The following ABCC11 variants were observed in gnomAD, a reference collection of about 807,000 sequenced individuals.
ABCC11 encodes ATP-binding cassette sub-family C member 11.
In ABCC11, 135 loss-of-function variants were observed where a neutral mutation model predicts 149.3. The observed-to-expected ratio is 0.90, with a 90% confidence interval of 0.79 to 1.04. The LOEUF (loss-of-function observed/expected upper bound fraction) is 1.04. Among genes scored for constraint, ABCC11 ranks in the 50% least tolerant of loss-of-function variants. The pLI is 0.00. For synonymous variants in ABCC11, 665 were observed against 671.4 expected (o/e 0.99, Z 0.15); for missense variants, 1,680 against 1,722.1 (o/e 0.98, Z 0.43).
chr16:48,197,481 T>C (rs1414643373), intron 17 of ABCC11, among the ~76,000 whole-genome samples: 1 of 152,224 alleles, frequency 6.6e-6, no homozygotes, highest in Non-Finnish European at 1.5e-5. Flanking sequence ...GCAGCAGAGC[T>C]GGGATTCAAA....
In ABCC11 at chr16:48,214,982, G is replaced by A; in HGVS notation, c.1147C>T (p.Gln383Ter). The change falls in exon 9 of 30, where the codon CAG (glutamine) becomes TAG (stop). Residue 383 changes from glutamine to a stop codon, truncating the protein, a stop_gained. Transcript: ENST00000356608. LOFTEE classifies it high-confidence loss of function. ...RKLLEKCGLV[Q>*]SLTSITLFII... ...AACAAGGTTATACTTGTCAGGCTCT[G>A]GACAAGCCCGCACTTCTCCAATAGT... The A allele has an allele frequency of 6.2e-7, 1 of 1,614,118 alleles. No individual in the cohort carries two copies. Among genetic ancestry groups the A allele is most frequent in the African/African-American group, 1.3e-5 (1 of 75,030 alleles).
chr16:48,169,107 C>T (rs1364821398), intron 28 of ABCC11, among the ~76,000 whole-genome samples: 1 of 152,138 alleles, frequency 6.6e-6, no homozygotes, highest in African/African-American at 2.4e-5. Flanking sequence ...ATCTGTCATC[C>T]AATTCCCAGT....
At chr16:48,210,568 G>A (rs1968832363) in intron 11 of ABCC11, 1 of 192,422 alleles carries the variant, frequency 5.2e-6, no homozygotes, top group Non-Finnish European at 1.1e-5. Context: ...GAAAGAACCA[G>A]ATAAGGTGAG....
intron 20 of ABCC11, 107 bp from the exon 21 acceptor site, chr16:48,187,534 G>T: frequency 1.1e-6 from 1 of 916,748 alleles, no homozygotes; most frequent in Non-Finnish European, 1.7e-6. Flanking sequence ...GGATCCCAGG[G>T]GTCTCCAGGG....
At chr16:48,206,986 G>T (rs1442250003) in intron 12 of ABCC11, among the ~76,000 whole-genome samples, 1 of 152,122 alleles carries the variant, frequency 6.6e-6, no homozygotes, top group African/African-American at 2.4e-5. Flanking sequence ...CAGTTGCAAA[G>T]AAACCGGGGA....
chr16:48,172,220 A>G (rs1016131868), intron 26 of ABCC11, among the ~76,000 whole-genome samples: 1 of 152,148 alleles, frequency 6.6e-6, no homozygotes, highest in African/African-American at 2.4e-5. Context: ...TTAGAGCTGC[A>G]TAATATTCCA....
At chr16:48,222,865 C>T in intron 5 of ABCC11, 34 bp from the exon 6 acceptor site, 1 of 1,544,108 alleles carries the variant, frequency 6.5e-7, no homozygotes, top group Non-Finnish European at 8.9e-7. Flanking sequence ...TCATTCAGAC[C>T]ACCCTGCCAG....
intron 27 of ABCC11, 113 bp downstream of exon 27, chr16:48,170,776 T>C (rs1214533042): frequency 1.0e-6 from 1 of 975,474 alleles, no homozygotes; most frequent in Non-Finnish European, 1.6e-6. Flanking sequence ...AGATGATGCA[T>C]CCATGACCCG....
intron 5 of ABCC11, chr16:48,223,765 A>G (rs1023370952): frequency 2.0e-5 from 3 of 152,630 alleles, no homozygotes; most frequent in African/African-American, 7.2e-5. Flanking sequence ...GATGGGAAAT[A>G]GAGCACATTC....
At chr16:48,244,242 T>C in intron 1 of ABCC11, 1 of 589,436 alleles carries the variant, frequency 1.7e-6, no homozygotes, top group East Asian at 3.3e-5. Context: ...CGCGAAGCCA[T>C]GGCTTTTGGG....
In ABCC11 at chr16:48,215,520, G is replaced by A. The variant is rs574557361; in HGVS notation, c.952-176C>T. Among the ~76,000 whole-genome samples the A allele has an allele frequency of 5.3e-5, 8 of 152,312 alleles. No homozygotes were observed. In the East Asian group the frequency reaches 1.2e-3, roughly 22 times the overall value. ...AGCATCCCAGGGGCCTTTCTTTCCT[G>A]AGTCCCAAGCCAGGCTATGGCTACT... On this transcript the variant is annotated intron_variant, in intron 7 of 29. Transcript: ENST00000356608.
Position 48,205,702 on chromosome 16 carries a change from C to G in ABCC11, c.1681-165G>C, listed in dbSNP as rs1332030046. On this transcript the variant is annotated intron_variant, in intron 12 of 29. Coordinates refer to ENST00000356608, the MANE Select transcript of ABCC11 (RefSeq NM_001370497.1). ...GCCCTACCAGGCCCACCAGCGAGTTCCAGGGACCGGCCATGAGAACATGTG... is the reference window on the plus strand; with the variant it reads ...GCCCTACCAGGCCCACCAGCGAGTTGCAGGGACCGGCCATGAGAACATGTG... 5.9e-5 allele frequency among the ~76,000 whole-genome samples: 9 copies of G among 152,192 alleles called. No individual in the cohort carries two copies. The South Asian group carries it at 1.4e-3, about 24-fold the overall frequency.
chr16:48,184,566 T>C lies in ABCC11; in HGVS notation c.3132A>G (p.Arg1044=). The change falls in exon 23 of 30, where the codon CGA becomes CGG. Residue 1044 remains arginine (R), a synonymous_variant. Coordinates refer to ENST00000356608, the MANE Select transcript of ABCC11 (RefSeq NM_001370497.1). ...NYLLLFLSST[R]WMALRLEIMT... ...TGATCTCCAGCCTCAATGCCATCCA[T>C]CGTGTGGAAGATAGAAACAACAGCA... 1.2e-6 allele frequency: 2 copies of C among 1,614,232 alleles called. No individual in the cohort carries two copies. The highest frequency in any genetic ancestry group is 1.7e-6 in the Non-Finnish European group (2 of 1,180,042).
intron 18 of ABCC11, 129 bp downstream of exon 18, chr16:48,196,103 T>C: frequency 2.3e-6 from 2 of 878,026 alleles, no homozygotes; most frequent in Non-Finnish European, 3.4e-6. Flanking sequence ...GTTTTGCAAG[T>C]TAGGCCAATA....
At position 48,215,333 on chromosome 16, in the gene ABCC11, T is replaced by A. The variant is rs1969256011; in HGVS notation, c.963A>T (p.Thr321=). The A allele has an allele frequency of 6.2e-7, 1 of 1,613,554 alleles. No individual in the cohort carries two copies. The highest frequency in any genetic ancestry group is 1.7e-5 in the Admixed American group (1 of 59,992). ...LLVFPLAVFM[T]RMAVKAQHHT... ...GATGCTGAGCCTTCACAGCCATTCTTGTCATGAATACCTGGAGTCAGGATA... is the reference window on the plus strand; with the variant it reads ...GATGCTGAGCCTTCACAGCCATTCTAGTCATGAATACCTGGAGTCAGGATA... Residue 321 remains threonine (T), a synonymous_variant, in exon 8 of 30, where the codon ACA becomes ACT. Transcript: ENST00000356608.
intron 1 of ABCC11, among the ~76,000 whole-genome samples, chr16:48,243,198 G>A (rs1045467256): frequency 6.6e-6 from 1 of 151,564 alleles, no homozygotes; most frequent in Non-Finnish European, 1.5e-5. Flanking sequence ...TCAGGAGATT[G>A]AGACCATCCT....
intron 15 of ABCC11, 53 bp from the exon 16 acceptor site, chr16:48,198,328 AT>A: frequency 6.5e-7 from 1 of 1,544,308 alleles, no homozygotes; most frequent in South Asian, 1.1e-5. Context: ...AAGATGTTTG[AT>A]TTTACTATTC....
chr16:48,190,978 A>G (rs1966880782), intron 20 of ABCC11, among the ~76,000 whole-genome samples: 3 of 152,210 alleles, frequency 2.0e-5, no homozygotes, highest in Non-Finnish European at 4.4e-5. Flanking sequence ...TGAAGAGAGT[A>G]AAAAAGATCA....
chr16:48,227,651 G>A (rs1377521629), intron 4 of ABCC11, among the ~76,000 whole-genome samples, 155 bp downstream of exon 4: 2 of 151,892 alleles, frequency 1.3e-5, no homozygotes, highest in Non-Finnish European at 2.9e-5. Context: ...TGAACCCCAC[G>A]TTAAAAACCC....
Sources: allele counts gnomAD v4.1 joint callset (sites outside exome capture counted in the v4.1 genomes callset), GRCh38; gene constraint gnomAD v4.1.1; transcripts MANE v1.5; gene names NCBI Gene and HGNC (gene_info 2026-07-23, HGNC 2026-07-21).